ZNF514: variants seen among roughly 807,000 people sequenced by gnomAD.
ZNF514 encodes the protein zinc finger protein 514.
In ZNF514, 12 loss-of-function variants were observed where a neutral mutation model predicts 9.7. The observed-to-expected ratio is 1.24, with a 90% CI of 0.79 to 2.01. ZNF514 has a LOEUF of 2.01. Among genes scored for constraint, ZNF514 ranks in the 30% most tolerant of loss-of-function variants. The pLI is 0.00. For synonymous variants in ZNF514, 158 were observed against 163.7 expected (o/e 0.97, Z 0.27); for missense variants, 467 against 465.5 (o/e 1.00, Z -0.03).
the ZNF514 span, among the ~76,000 whole-genome samples, chr2:95,130,487 G>A: frequency 5.4e-4 from 82 of 152,344 alleles, no homozygotes; most frequent in African/African-American, 1.9e-3. Flanking sequence ...ATGGGAGACT[G>A]GAGTTTATTT....
the ZNF514 span, among the ~76,000 whole-genome samples, chr2:95,128,395 A>AG: frequency 6.6e-6 from 1 of 151,574 alleles, no homozygotes; most frequent in African/African-American, 2.4e-5. Flanking sequence ...CGTCTCAAAA[A>AG]AAAAAAAAAA....
chr2:95,126,164 A>T, the ZNF514 span, among the ~76,000 whole-genome samples: 2 of 152,210 alleles, frequency 1.3e-5, no homozygotes, highest in East Asian at 3.9e-4. Context: ...TGAGGTCAGG[A>T]GTTAGAAACC....
chr2:95,133,068 C>T, the ZNF514 span, among the ~76,000 whole-genome samples: 2 of 152,000 alleles, frequency 1.3e-5, no homozygotes, highest in Non-Finnish European at 2.9e-5. Flanking sequence ...AATGGTTAAA[C>T]GCACTCTCGT....
intron 1 of ZNF514, chr2:95,158,735 A>T (rs1673754668): frequency 2.9e-6 from 3 of 1,051,546 alleles, no homozygotes; most frequent in Non-Finnish European, 2.4e-6. Context: ...TTCCATGGCC[A>T]TCCCCTCCAC....
At chr2:95,158,403 A>T (rs1176986333) in intron 1 of ZNF514, among the ~76,000 whole-genome samples, 1 of 152,178 alleles carries the variant, frequency 6.6e-6, no homozygotes, top group African/African-American at 2.4e-5. Context: ...ACCTGGTTAG[A>T]GATAGGACGT....
intron 3 of ZNF514, 61 bp from the exon 4 acceptor site, chr2:95,152,830 T>C (rs1673581651): frequency 7.0e-7 from 1 of 1,437,112 alleles, no homozygotes; most frequent in African/African-American, 1.4e-5. Context: ...TCTTTGGATA[T>C]TCATCTTCAA....
At position 95,149,685 on chromosome 2, in the gene ZNF514, C is replaced by A. The variant is rs1673472316; in HGVS notation, c.800G>T (p.Arg267Ile). The change falls in exon 5 of 5, where the codon AGA becomes ATA. Residue 267 changes from arginine to isoleucine, a missense_variant. Coordinates refer to ENST00000295208, the MANE Select transcript of ZNF514 (RefSeq NM_032788.3). ...EKPYECSECGRAFSQSSSLVL... is the reference protein window; with the variant it reads ...EKPYECSECGIAFSQSSSLVL... Reference sequence around the variant, plus strand: ...AAGAGACGAACTCTGGCTGAAGGCTCTCCCACATTCACTGCATTCATAGGG... The same window carrying A: ...AAGAGACGAACTCTGGCTGAAGGCTATCCCACATTCACTGCATTCATAGGG... 1 of 1,614,120 alleles carries A rather than the reference C, an allele frequency of 6.2e-7. No homozygotes were observed. The highest frequency in any genetic ancestry group is 1.7e-5 in the Admixed American group (1 of 60,014).
rs150914137 is a variant in ZNF514 at position 95,149,488 on chromosome 2, C to T, written c.997G>A (p.Val333Met). 484 of 1,613,550 alleles carry T rather than the reference C, an allele frequency of 3.0e-4. 4 individuals carry two copies. In the African/African-American group the frequency reaches 3.8e-3, roughly 13 times the overall value. The change falls in exon 5 of 5, where the codon GTG becomes ATG. Residue 333 changes from valine to methionine, a missense_variant. Val to Met is a conservative substitution (Grantham distance 21). Transcript: ENST00000295208. ...RTFSQSSSLIVHYRFHTGEKP... is the reference protein window; with the variant it reads ...RTFSQSSSLIMHYRFHTGEKP... The stretch of plus-strand genomic sequence containing the variant: ...TCTCCAGTATGAAATCTGTAATGCA[C>T]AATGAGTGATGAGCTCTGGCTGAAG...
the ZNF514 span, among the ~76,000 whole-genome samples, chr2:95,131,615 C>T: frequency 4.6e-5 from 7 of 152,196 alleles, no homozygotes; most frequent in Admixed American, 1.3e-4. Context: ...ATCTTCGCCT[C>T]ACCAACAGAG....
At chr2:95,123,672 C>T in the ZNF514 span, among the ~76,000 whole-genome samples, 4 of 152,190 alleles carry the variant, frequency 2.6e-5, no homozygotes, top group Non-Finnish European at 4.4e-5. Flanking sequence ...TCAGGTCCTG[C>T]TCCAGTTCAG....
Position 95,149,500 on chromosome 2 carries a change from A to G in ZNF514, c.985T>C (p.Ser329Pro). The change falls in exon 5 of 5, where the codon TCA (serine) becomes CCA (proline). Residue 329 changes from serine to proline, a missense_variant. Ser to Pro is a moderately conservative substitution (Grantham distance 74). Transcript: ENST00000295208. ...AATCTGTAATGCACAATGAGTGATG[A>G]GCTCTGGCTGAAGGTTCTCCCACAT... ...RECGRTFSQS[S>P]SLIVHYRFHT... 6.2e-7 allele frequency: 1 copy of G among 1,613,928 alleles called. No homozygotes were observed. Among genetic ancestry groups the G allele is most frequent in the Non-Finnish European group, 8.5e-7 (1 of 1,179,988 alleles).
downstream of ZNF514, among the ~76,000 whole-genome samples, chr2:95,142,018 ATTC>A (rs1558696674): frequency 6.6e-6 from 1 of 152,084 alleles, no homozygotes; most frequent in Non-Finnish European, 1.5e-5. Context: ...GCTTATGGTC[ATTC>A]TTCTTTTCAT....
At chr2:95,123,315 T>C in the ZNF514 span, among the ~76,000 whole-genome samples, 1 of 152,230 alleles carries the variant, frequency 6.6e-6, no homozygotes, top group Non-Finnish European at 1.5e-5. Context: ...TGTCACCAAC[T>C]TCCTAATTAT....
In ZNF514 at chr2:95,150,037, C is replaced by A. The variant is rs765126553; in HGVS notation, c.448G>T (p.Asp150Tyr). ...IHKSATTLSR[D>Y]YKWNGFGRSL... The stretch of plus-strand genomic sequence containing the variant: ...CTCCCAAATCCATTCCATTTATAAT[C>A]TCTGCTAAGGGTGGTGGCAGATTTG... The change falls in exon 5 of 5, where the codon GAT (aspartate) becomes TAT (tyrosine). Residue 150 changes from aspartate to tyrosine, a missense_variant. Asp to Tyr is a radical substitution (Grantham distance 160, BLOSUM62 -3). Coordinates refer to ENST00000295208, the MANE Select transcript of ZNF514 (RefSeq NM_032788.3). The A allele has an allele frequency of 6.2e-7, 1 of 1,614,154 alleles. No homozygotes were observed. Among genetic ancestry groups the A allele is most frequent in the East Asian group, 2.2e-5 (1 of 44,882 alleles).
Position 95,157,431 on chromosome 2 carries a change from A to C in ZNF514, c.-87T>G. 1 of 1,289,514 alleles carries C rather than the reference A, an allele frequency of 7.8e-7. No individual in the cohort carries two copies. Among genetic ancestry groups the C allele is most frequent in the South Asian group, 1.2e-5 (1 of 81,008 alleles). The allele number at this position is 1,289,514 out of a possible 1,614,324, so 79.9% of individuals were successfully genotyped here. On this transcript the variant is annotated 5_prime_UTR_variant, in exon 2 of 5. Coordinates refer to ENST00000295208, the MANE Select transcript of ZNF514 (RefSeq NM_032788.3). ...TCTGGAGGAAGAGCAGGATTCTGAG[A>C]AGGGGAAGCTGGGAAGGTAGAAGGA...
In ZNF514 at chr2:95,147,609, G is replaced by A. The variant is rs1260883225; in HGVS notation, c.*1673C>T. The A allele has an allele frequency of 6.6e-6, 1 of 151,634 alleles. No homozygotes were observed. The highest frequency in any genetic ancestry group is 1.9e-4 in the East Asian group (1 of 5,174). The allele number at this position is 151,634 out of a possible 1,614,324, so 9.4% of individuals were successfully genotyped here. ...ACTTAGAATCACGTTTTTGAGATCT[G>A]GATTGTGCATAATACCCATATTTTA... On this transcript the variant is annotated 3_prime_UTR_variant, in exon 5 of 5. Coordinates refer to ENST00000295208, the MANE Select transcript of ZNF514 (RefSeq NM_032788.3).
At chr2:95,132,445 G>C in the ZNF514 span, among the ~76,000 whole-genome samples, 1 of 152,164 alleles carries the variant, frequency 6.6e-6, no homozygotes. Flanking sequence ...CTATCAAAAT[G>C]ACTGAAGTAA....
chr2:95,130,956 A>G, the ZNF514 span, among the ~76,000 whole-genome samples: 2 of 152,256 alleles, frequency 1.3e-5, no homozygotes, highest in East Asian at 1.9e-4. Flanking sequence ...TAGAGACTGC[A>G]GTAAAGACAG....
the ZNF514 span, among the ~76,000 whole-genome samples, chr2:95,124,760 C>T: frequency 6.6e-6 from 1 of 152,034 alleles, no homozygotes; most frequent in South Asian, 2.1e-4. Context: ...ACCTCAGCCT[C>T]CCAAAATGCT....
Sources: allele counts gnomAD v4.1 joint callset (sites outside exome capture counted in the v4.1 genomes callset), GRCh38; gene constraint gnomAD v4.1.1; transcripts MANE v1.5; gene names NCBI Gene and HGNC (gene_info 2026-07-23, HGNC 2026-07-21).